Variants in CDKAL1 observed in about 807,000 individuals in gnomAD.
CDKAL1 encodes CDKAL1 threonylcarbamoyladenosine tRNA methylthiotransferase, also known as threonylcarbamoyladenosine tRNA methylthiotransferase.
In CDKAL1, 32 loss-of-function variants were observed where a neutral mutation model predicts 68.2. That is an observed-to-expected ratio of 0.47 (90% CI 0.35 to 0.63). CDKAL1 has a LOEUF of 0.63. CDKAL1 is among the 30% of genes least tolerant of loss of function. The pLI is 0.00. For missense variants in CDKAL1, 606 were observed against 696.7 expected, an observed-to-expected ratio of 0.87 and a Z score of 1.47; for synonymous variants, 234 against 244.3, an observed-to-expected ratio of 0.96 and a Z score of 0.39.
In CDKAL1 at chr6:20,599,913, T is replaced by A. The variant is rs191170860; in HGVS notation, c.287-49380T>A. On this transcript the variant is annotated intron_variant, in intron 4 of 15. Transcript: ENST00000274695. ...GATAATCATTTCTAGAAATGAGCTGTAGTATCATGTCAGAATGTCAGAAAC... is the reference window on the plus strand; with the variant it reads ...GATAATCATTTCTAGAAATGAGCTGAAGTATCATGTCAGAATGTCAGAAAC... Among the ~76,000 whole-genome samples the A allele has an allele frequency of 6.8e-3, 1,030 of 152,242 alleles. 9 individuals are homozygous for A. The highest frequency in any genetic ancestry group is 0.016 in the Admixed American group (238 of 15,292).
chr6:20,575,487 A>G (rs775977925), intron 4 of CDKAL1, among the ~76,000 whole-genome samples: 1 of 151,534 alleles, frequency 6.6e-6, no homozygotes, highest in Non-Finnish European at 1.5e-5. Context: ...TTTAGAAGGG[A>G]AAAAGTATCC....
chr6:20,592,595 C>T lies in CDKAL1; in HGVS notation c.286+43890C>T, dbSNP rs548344232. On this transcript the variant is annotated intron_variant, in intron 4 of 15. Transcript: ENST00000274695. ...GCGATTCTCCTGCCTCAGCCTCCCA[C>T]GTGGCTGGGATCACAGGCATGTGCC... Among the ~76,000 whole-genome samples, 326 of 151,920 alleles carry T rather than the reference C, an allele frequency of 2.1e-3. 1 individual carries two copies. Among genetic ancestry groups the T allele is most frequent in the African/African-American group, 6.8e-3 (280 of 41,480 alleles).
rs138746796 is a variant in CDKAL1 at position 20,565,477 on chromosome 6, A to G, written c.286+16772A>G. On this transcript the variant is annotated intron_variant, in intron 4 of 15. Transcript: ENST00000274695. ...AATGACTGTCTCAGTTACTAAATGT[A>G]TATAGCTTGGGGGAAGTGAAGGCAC... Among the ~76,000 whole-genome samples the G allele has an allele frequency of 6.6e-5, 10 of 152,222 alleles. No individual in the cohort carries two copies. The East Asian group carries it at 9.7e-4, about 15-fold the overall frequency.
chr6:20,582,859 A>G (rs11967445), intron 4 of CDKAL1, among the ~76,000 whole-genome samples: 10,488 of 152,168 alleles, frequency 0.069, 526 homozygotes, highest in African/African-American at 0.14. Flanking sequence ...TTTTACTGCA[A>G]TTTTTACTGA....
intron 4 of CDKAL1, among the ~76,000 whole-genome samples, chr6:20,624,777 A>G (rs535509601): frequency 4.1e-4 from 62 of 152,202 alleles, no homozygotes; most frequent in African/African-American, 1.5e-3. Flanking sequence ...TTAATTTTGT[A>G]TAAGAACAAA....
intron 10 of CDKAL1, among the ~76,000 whole-genome samples, chr6:20,980,339 G>T (rs1004906552): frequency 6.6e-6 from 1 of 151,978 alleles, no homozygotes; most frequent in East Asian, 1.9e-4. Context: ...CCAGGTTCAC[G>T]CCATTCTCCT....
chr6:21,008,445 G>A (rs1189021171), intron 11 of CDKAL1, among the ~76,000 whole-genome samples: 2 of 152,104 alleles, frequency 1.3e-5, no homozygotes, highest in Non-Finnish European at 2.9e-5. Flanking sequence ...ATAATACCAC[G>A]GAAGCCAAGA....
chr6:20,617,040 G>GAA (rs35481531), intron 4 of CDKAL1, among the ~76,000 whole-genome samples: 36,117 of 136,866 alleles, frequency 0.26, 5,363 homozygotes, highest in Middle Eastern at 0.35. Flanking sequence ...TTCTGTCTCA[G>GAA]AAGAAAAAAA....
intron 13 of CDKAL1, among the ~76,000 whole-genome samples, chr6:21,124,368 G>C (rs574693848): frequency 2.6e-5 from 4 of 152,170 alleles, no homozygotes; most frequent in South Asian, 2.1e-4. Flanking sequence ...GTAGAGTCCT[G>C]TTCCTTGGTA....
intron 5 of CDKAL1, among the ~76,000 whole-genome samples, chr6:20,733,106 A>G (rs111718125): frequency 8.4e-4 from 128 of 152,202 alleles, no homozygotes; most frequent in African/African-American, 3.0e-3. Flanking sequence ...CCTCAGTGGG[A>G]GTCAGGGTGA....
At chr6:20,623,187 G>T (rs1038657873) in intron 4 of CDKAL1, among the ~76,000 whole-genome samples, 1 of 151,984 alleles carries the variant, frequency 6.6e-6, no homozygotes, top group African/African-American at 2.4e-5. Flanking sequence ...GTTGCAGAAA[G>T]CCCATTCATT....
At chr6:20,634,860 C>T (rs1767827880) in intron 4 of CDKAL1, among the ~76,000 whole-genome samples, 1 of 151,706 alleles carries the variant, frequency 6.6e-6, no homozygotes, top group Admixed American at 6.6e-5. Context: ...GCCTGTAATC[C>T]CAGCTACTTG....
intron 10 of CDKAL1, among the ~76,000 whole-genome samples, chr6:20,970,158 T>A (rs761612508): frequency 1.2e-4 from 18 of 152,138 alleles, no homozygotes; most frequent in Middle Eastern, 3.4e-3. Context: ...ATAATGATAG[T>A]TTTTCTGGGA....
intron 5 of CDKAL1, among the ~76,000 whole-genome samples, chr6:20,699,093 C>T (rs1285168929): frequency 2.0e-5 from 3 of 151,776 alleles, no homozygotes; most frequent in Non-Finnish European, 4.4e-5. Flanking sequence ...TTTTCTTGAC[C>T]TGTGTTCTTT....
At chr6:20,770,641 A>G (rs1774902723) in intron 7 of CDKAL1, among the ~76,000 whole-genome samples, 2 of 152,224 alleles carry the variant, frequency 1.3e-5, no homozygotes, top group Non-Finnish European at 2.9e-5. Context: ...TCAAGCCCAC[A>G]TAATTTCTAC....
chr6:20,641,709 A>T (rs1261034959), intron 4 of CDKAL1, among the ~76,000 whole-genome samples: 1 of 152,260 alleles, frequency 6.6e-6, no homozygotes, highest in African/African-American at 2.4e-5. Context: ...ATGATATTTC[A>T]GCTGCAGTCC....
At chr6:20,678,815 A>G (rs919310359) in intron 5 of CDKAL1, among the ~76,000 whole-genome samples, 29 of 152,262 alleles carry the variant, frequency 1.9e-4, no homozygotes, top group African/African-American at 7.0e-4. Context: ...CTTTAAATAA[A>G]TAAAGTGTTA....
chr6:20,984,364 G>C (rs1766327410), intron 10 of CDKAL1, among the ~76,000 whole-genome samples: 1 of 152,124 alleles, frequency 6.6e-6, no homozygotes, highest in South Asian at 2.1e-4. Flanking sequence ...AAGTGCTTTT[G>C]GGTGCTAGCA....
intron 15 of CDKAL1, among the ~76,000 whole-genome samples, chr6:21,206,895 C>T (rs986819082): frequency 4.0e-5 from 6 of 151,320 alleles, no homozygotes; most frequent in African/African-American, 1.5e-4. Context: ...CAGTGGTTTC[C>T]TGGCTTTTAT....
Sources: allele counts gnomAD v4.1 joint callset (sites outside exome capture counted in the v4.1 genomes callset), GRCh38; gene constraint gnomAD v4.1.1; transcripts MANE v1.5; gene names NCBI Gene and HGNC (gene_info 2026-07-23, HGNC 2026-07-21).